The following CA5A variants were observed in gnomAD, a reference collection of about 807,000 sequenced individuals.
CA5A encodes the protein carbonic anhydrase 5A, also known as carbonic anhydrase 5A, mitochondrial.
CA5A carries 28 observed loss-of-function variants against 37.1 expected under a neutral mutation model. The observed-to-expected ratio is 0.75, with a 90% CI of 0.56 to 1.03. CA5A has a LOEUF of 1.03. CA5A is among the 50% of genes least tolerant of loss of function. The pLI, the probability that CA5A is intolerant of heterozygous loss-of-function variation, is 0.00. For missense variants in CA5A, 444 were observed against 399.9 expected, an observed-to-expected ratio of 1.11 and a Z score of -0.94; for synonymous variants, 171 against 158.4, an observed-to-expected ratio of 1.08 and a Z score of -0.60.
intron 5 of CA5A, among the ~76,000 whole-genome samples, chr16:87,896,935 T>C (rs1161745727): frequency 6.6e-6 from 1 of 152,232 alleles, no homozygotes; most frequent in Non-Finnish European, 1.5e-5. Context: ...CCACGCTCTG[T>C]TCCTGGTTTT....
At chr16:87,913,136 A>G (rs1316038832) in intron 2 of CA5A, among the ~76,000 whole-genome samples, 3 of 151,764 alleles carry the variant, frequency 2.0e-5, no homozygotes, top group Non-Finnish European at 4.4e-5. Context: ...GCACCACCAC[A>G]ACTGGCTAAT....
At chr16:87,913,384 C>T (rs896343384) in intron 2 of CA5A, among the ~76,000 whole-genome samples, 9 of 150,136 alleles carry the variant, frequency 6.0e-5, no homozygotes, top group African/African-American at 2.2e-4. Flanking sequence ...CTCACTGCAG[C>T]CTCAACCTCC....
chr16:87,925,723 G>C (rs2056296577), intron 2 of CA5A: 1 of 152,226 alleles, frequency 6.6e-6, no homozygotes, highest in Non-Finnish European at 1.5e-5. Context: ...GGTTTGAAGA[G>C]ATGATCCGCA....
chr16:87,902,624 T>G lies in CA5A; in HGVS notation c.460-104A>C, dbSNP rs191838983. On this transcript the variant is annotated intron_variant, in intron 3 of 6. Transcript: ENST00000649794. ...ATGTGTCCACTTAATCATAATGAAA[T>G]GGCCAGGCGCGGTGGCTCACACCTG... is the stretch of plus-strand genomic sequence containing the variant. 117 of 697,926 alleles carry G rather than the reference T, an allele frequency of 1.7e-4. No individual in the cohort carries two copies. The African/African-American group carries it at 1.9e-3, about 11-fold the overall frequency. 43.2% of individuals were successfully genotyped at this position (697,926 alleles called of 1,614,324 possible). A position where few individuals can be genotyped will look rare whatever the true frequency, so the allele number is the denominator to read the frequency against.
intron 2 of CA5A, among the ~76,000 whole-genome samples, chr16:87,914,593 G>A (rs1296114813): frequency 6.6e-6 from 1 of 152,150 alleles, no homozygotes. Flanking sequence ...GGGGAGCAAC[G>A]CAGTGGGGAA....
chr16:87,888,152 T>C lies in CA5A; in HGVS notation c.895A>G (p.Thr299Ala), dbSNP rs768389144. Residue 299 changes from threonine to alanine, a missense_variant, in exon 7 of 7, where the codon ACT (threonine) becomes GCT (alanine). Physicochemically the swap from Thr to Ala is moderately conservative, Grantham distance 58. Transcript: ENST00000649794. Reference sequence around the variant, plus strand: ...CTCTAGGACCTTGTGCCCTCATTAGTGGCCTGGAAGGACGCCCAGACCTTC... The same window carrying C: ...CTCTAGGACCTTGTGCCCTCATTAGCGGCCTGGAAGGACGCCCAGACCTTC... ...NRKVWASFQA[T>A]NEGTRS The C allele has an allele frequency of 1.2e-6, 2 of 1,613,646 alleles. No individual in the cohort carries two copies. The highest frequency in any genetic ancestry group is 1.1e-5 in the South Asian group (1 of 91,062).
intron 2 of CA5A, chr16:87,923,721 A>C (rs1374571655): frequency 2.0e-6 from 2 of 985,132 alleles, no homozygotes; most frequent in Non-Finnish European, 2.4e-6. Context: ...AATAACCTTC[A>C]AAGTTTATAC....
At chr16:87,923,432 C>T (rs1040020226) in intron 2 of CA5A, 13 of 466,638 alleles carry the variant, frequency 2.8e-5, no homozygotes, top group African/African-American at 2.7e-4. Context: ...AGGTGATCCA[C>T]CCACCTCGGC....
At chr16:87,927,630 G>T (rs1434228841) in intron 1 of CA5A, among the ~76,000 whole-genome samples, 1 of 152,196 alleles carries the variant, frequency 6.6e-6, no homozygotes, top group Non-Finnish European at 1.5e-5. Context: ...CGGAAGCAAG[G>T]TGGGTGGATC....
intron 3 of CA5A, among the ~76,000 whole-genome samples, chr16:87,904,041 A>G (rs2055920439): frequency 1.3e-5 from 2 of 152,160 alleles, no homozygotes; most frequent in African/African-American, 4.8e-5. Flanking sequence ...TGAAAATAAG[A>G]CTGCTTTAAG....
intron 5 of CA5A, among the ~76,000 whole-genome samples, chr16:87,897,853 G>A (rs901795165): frequency 1.3e-4 from 20 of 152,186 alleles, no homozygotes; most frequent in African/African-American, 4.8e-4. Flanking sequence ...AAGATTCAGT[G>A]TGATAATTTA....
At chr16:87,924,271 G>T in intron 2 of CA5A, 3 of 985,474 alleles carry the variant, frequency 3.0e-6, no homozygotes, top group Non-Finnish European at 3.6e-6. Flanking sequence ...CGCGGGGGTT[G>T]CAGTGGAGCC....
chr16:87,896,443 C>G (rs1319539309), intron 5 of CA5A, among the ~76,000 whole-genome samples: 1 of 152,162 alleles, frequency 6.6e-6, no homozygotes, highest in African/African-American at 2.4e-5. Context: ...CCCCTCAGGG[C>G]CCCCAAAGCA....
chr16:87,927,372 C>T (rs1289346369), intron 1 of CA5A, among the ~76,000 whole-genome samples: 2 of 152,116 alleles, frequency 1.3e-5, no homozygotes, highest in Non-Finnish European at 2.9e-5. Flanking sequence ...CCTTCCCACT[C>T]CCAGGTACCC....
chr16:87,907,600 T>G (rs950029254), intron 2 of CA5A, among the ~76,000 whole-genome samples: 1 of 152,158 alleles, frequency 6.6e-6, no homozygotes, highest in Non-Finnish European at 1.5e-5. Context: ...AAGACTGAGT[T>G]AAGTCCCATC....
chr16:87,910,614 G>C (rs919147692), intron 2 of CA5A, among the ~76,000 whole-genome samples: 16 of 152,056 alleles, frequency 1.1e-4, no homozygotes, highest in African/African-American at 3.4e-4. Flanking sequence ...GTCTCACTCT[G>C]TTACCCAGGC....
At chr16:87,909,220 C>T (rs1355123629) in intron 2 of CA5A, among the ~76,000 whole-genome samples, 1 of 152,138 alleles carries the variant, frequency 6.6e-6, no homozygotes, top group Admixed American at 6.5e-5. Context: ...CAGCCCTTTC[C>T]AATCTGCCTC....
downstream of CA5A, chr16:87,886,055 C>G (rs925755459): frequency 3.3e-5 from 5 of 151,690 alleles, no homozygotes; most frequent in African/African-American, 1.2e-4. Flanking sequence ...TCTCTTTCCT[C>G]CAAAAGAATG....
intron 1 of CA5A, among the ~76,000 whole-genome samples, chr16:87,931,521 A>G (rs914727528): frequency 6.6e-6 from 1 of 152,124 alleles, no homozygotes; most frequent in Non-Finnish European, 1.5e-5. Flanking sequence ...CTGGCATATT[A>G]TTTACCACCT....
Sources: gnomAD v4.1 joint callset for allele counts (sites outside exome capture counted in the v4.1 genomes callset) on GRCh38, gnomAD v4.1.1 for gene constraint, MANE v1.5 for transcripts, NCBI Gene and HGNC (gene_info 2026-07-23, HGNC 2026-07-21) for gene names.